SLC16A5: variants seen among roughly 807,000 people sequenced by gnomAD.
SLC16A5 encodes the protein monocarboxylate transporter 6.
Under a neutral mutation model 33.2 loss-of-function variants are expected in SLC16A5, and 29 were observed. That is an observed-to-expected ratio of 0.87 (90% CI 0.65 to 1.19). The LOEUF (loss-of-function observed/expected upper bound fraction) is 1.19, where lower values mean the gene tolerates loss of function less well. Ranked by LOEUF, SLC16A5 falls within the 50% of genes most tolerant of loss-of-function variation. The probability of loss-of-function intolerance (pLI) is 0.00; values close to 1 mark genes in which losing one functional copy is unlikely to be tolerated. For missense variants in SLC16A5, 606 were observed against 678.2 expected, an observed-to-expected ratio of 0.89 and a Z score of 1.18; for synonymous variants, 248 against 284.1, an observed-to-expected ratio of 0.87 and a Z score of 1.28.
intron 2 of SLC16A5, 77 bp from the exon 3 acceptor site, chr17:75,093,511 GC>G: frequency 6.5e-7 from 1 of 1,537,420 alleles, no homozygotes; most frequent in Non-Finnish European, 8.7e-7. Flanking sequence ...TGGCTTAGCT[GC>G]CCAGAGAAGG....
intron 4 of SLC16A5, among the ~76,000 whole-genome samples, chr17:75,098,995 G>C (rs577638872): frequency 2.8e-4 from 43 of 152,296 alleles, no homozygotes; most frequent in African/African-American, 9.9e-4. Context: ...CTGTAGTGGC[G>C]TCACAGGCAG....
At chr17:75,092,050 T>TGTGTGTGC (rs1555644943) in intron 2 of SLC16A5, among the ~76,000 whole-genome samples, 19 of 151,816 alleles carry the variant, frequency 1.3e-4, no homozygotes, top group African/African-American at 3.4e-4. Flanking sequence ...TGTGTGTGTG[T>TGTGTGTGC]GCACGCATGC....
intron 3 of SLC16A5, among the ~76,000 whole-genome samples, chr17:75,095,359 G>A (rs190411387): frequency 1.2e-4 from 18 of 152,248 alleles, no homozygotes; most frequent in Admixed American, 3.3e-4. Flanking sequence ...GCTGACTTGC[G>A]GCTCACCACC....
downstream of SLC16A5, among the ~76,000 whole-genome samples, chr17:75,108,693 A>G (rs2073882584): frequency 6.6e-6 from 1 of 152,238 alleles, no homozygotes; most frequent in Non-Finnish European, 1.5e-5. Flanking sequence ...AAAGGAAGAC[A>G]GGCTTTAAGG....
chr17:75,103,191 A>G (rs1158865003), intron 5 of SLC16A5, among the ~76,000 whole-genome samples: 1 of 150,774 alleles, frequency 6.6e-6, no homozygotes, highest in South Asian at 2.1e-4. Context: ...TCCCTGCCTT[A>G]GTTTTTGTAT....
At chr17:75,090,563 C>T (rs1328669355) in intron 2 of SLC16A5, among the ~76,000 whole-genome samples, 6 of 150,994 alleles carry the variant, frequency 4.0e-5, no homozygotes, top group Admixed American at 2.6e-4. Context: ...CGGGTTCAAG[C>T]GATTCTCCTG....
chr17:75,107,340 G>C (rs1424263143), downstream of SLC16A5, among the ~76,000 whole-genome samples: 2 of 152,100 alleles, frequency 1.3e-5, no homozygotes, highest in African/African-American at 4.8e-5. Context: ...TTCTGCATAG[G>C]AAACTTTCAT....
chr17:75,108,023 G>C (rs2073875757), downstream of SLC16A5, among the ~76,000 whole-genome samples: 1 of 151,950 alleles, frequency 6.6e-6, no homozygotes, highest in Non-Finnish European at 1.5e-5. Flanking sequence ...AGAATCACTT[G>C]AATCTGAGGC....
chr17:75,109,274 G>C (rs1294236195), downstream of SLC16A5, among the ~76,000 whole-genome samples: 1 of 152,198 alleles, frequency 6.6e-6, no homozygotes, highest in Non-Finnish European at 1.5e-5. The surrounding 1 kb of genome is among the most constrained non-coding windows in gnomAD (Gnocchi z 5.0). Context: ...CTGACAAAAA[G>C]CACCAGGACA....
intron 3 of SLC16A5, among the ~76,000 whole-genome samples, chr17:75,096,247 T>A (rs1324873854): frequency 6.6e-6 from 1 of 150,820 alleles, no homozygotes. Flanking sequence ...GGCTGAAGAG[T>A]GAGTTCACGG....
At chr17:75,107,586 C>T (rs1476368098), downstream of SLC16A5, among the ~76,000 whole-genome samples, 3 of 152,096 alleles carry the variant, frequency 2.0e-5, no homozygotes, top group Middle Eastern at 3.2e-3. Flanking sequence ...AGGTGGATCA[C>T]GAGGTCAAGA....
chr17:75,109,223 G>A (rs750027275), downstream of SLC16A5, among the ~76,000 whole-genome samples: 5 of 152,112 alleles, frequency 3.3e-5, no homozygotes, highest in Admixed American at 6.5e-5. This position sits in a 1 kb window ranked among gnomAD's most constrained non-coding sequence, Gnocchi z 5.0. Flanking sequence ...GCTCCTCCTC[G>A]GGCTCCCCCG....
intron 6 of SLC16A5, 175 bp from the exon 7 acceptor site, chr17:75,105,705 C>G (rs1323585028): frequency 1.0e-6 from 1 of 985,312 alleles, no homozygotes; most frequent in Non-Finnish European, 1.2e-6. Flanking sequence ...TGCAGCAGGT[C>G]ATAAACTCTG....
chr17:75,093,220 C>T (rs1042173218), intron 2 of SLC16A5: 11 of 604,720 alleles, frequency 1.8e-5, no homozygotes, highest in African/African-American at 5.5e-5. Flanking sequence ...AGGTCTGCTG[C>T]ATTCTACAAG....
chr17:75,109,241 C>G (rs964490873), downstream of SLC16A5, among the ~76,000 whole-genome samples: 1 of 152,206 alleles, frequency 6.6e-6, no homozygotes, highest in Non-Finnish European at 1.5e-5. The surrounding 1 kb of genome is among the most constrained non-coding windows in gnomAD (Gnocchi z 5.0). Flanking sequence ...CCGTGCTGCC[C>G]CGGGCGCGCG....
chr17:75,091,504 T>C (rs1329609106), intron 2 of SLC16A5, among the ~76,000 whole-genome samples: 1 of 152,072 alleles, frequency 6.6e-6, no homozygotes, highest in African/African-American at 2.4e-5. Flanking sequence ...GAGGCTGCGA[T>C]GAATGGGACG....
rs1452133924 is a variant in SLC16A5 at position 75,100,176 on chromosome 17, C to T, written c.513C>T (p.Thr171=). ...TGGAGAACCTGGGCTGGAGGGGTACCTTCCTTGTCTTCGGCGGGATCTTTC... is the reference window on the plus strand; with the variant it reads ...TGGAGAACCTGGGCTGGAGGGGTACTTTCCTTGTCTTCGGCGGGATCTTTC... ...YLLENLGWRG[T]FLVFGGIFLH... Residue 171 remains threonine (T), a synonymous_variant, in exon 5 of 7, where the codon ACC becomes ACT. Coordinates refer to ENST00000329783, the MANE Select transcript of SLC16A5 (RefSeq NM_004695.4). The T allele has an allele frequency of 1.2e-6, 2 of 1,614,116 alleles. No homozygotes were observed. The highest frequency in any genetic ancestry group is 3.3e-5 in the Admixed American group (2 of 60,008).
At chr17:75,108,761 T>TAAC (rs2073883095), downstream of SLC16A5, among the ~76,000 whole-genome samples, 1 of 147,140 alleles carries the variant, frequency 6.8e-6, no homozygotes, top group Admixed American at 6.7e-5. Flanking sequence ...GAAGGATTAA[T>TAAC]AACAAGGGTG....
chr17:75,100,707 C>T lies in SLC16A5; in HGVS notation c.1044C>T (p.Leu348=). ...YSVSMSGIGA[L]IFQVLMDIVP... ...TGTCCATGAGTGGCATCGGCGCCCT[C>T]ATCTTCCAGGTTCTCATGGACATCG... is the stretch of plus-strand genomic sequence containing the variant. Residue 348 remains leucine (L), a synonymous_variant, in exon 5 of 7, where the codon CTC becomes CTT. Coordinates refer to ENST00000329783, the MANE Select transcript of SLC16A5 (RefSeq NM_004695.4). 6.2e-7 allele frequency: 1 copy of T among 1,614,192 alleles called. No individual in the cohort carries two copies. Among genetic ancestry groups the T allele is most frequent in the Non-Finnish European group, 8.5e-7 (1 of 1,180,040 alleles).
Sources: gnomAD v4.1 joint callset for allele counts (sites outside exome capture counted in the v4.1 genomes callset) on GRCh38, gnomAD v4.1.1 for gene constraint, Gnocchi (gnomAD v3.1) non-coding constraint, MANE v1.5 for transcripts, NCBI Gene and HGNC (gene_info 2026-07-23, HGNC 2026-07-21) for gene names.